The following UBR3 variants were observed in gnomAD, a reference collection of about 807,000 sequenced individuals.
UBR3 encodes the protein E3 ubiquitin-protein ligase UBR3.
A neutral mutation model predicts 243.2 loss-of-function variants in UBR3; 85 were observed. The ratio of observed to expected loss-of-function variants is 0.35; its 90% CI spans 0.29 to 0.42. UBR3 has a LOEUF of 0.42. UBR3 is among the 10% of genes least tolerant of loss of function. UBR3 has a pLI of 1.00. For missense variants in UBR3, 1,686 were observed against 2,300.8 expected (o/e 0.73, Z 5.47); for synonymous variants, 748 against 799.8 (o/e 0.94, Z 1.09).
rs777827777 is a variant in UBR3 at position 169,925,645 on chromosome 2, T to C, written c.2049T>C (p.Asn683=). 6.4e-6 allele frequency: 10 copies of C among 1,550,912 alleles called. No homozygotes were observed. The South Asian group carries it at 1.1e-4, about 17-fold the overall frequency. Reference sequence around the variant, plus strand: ...CAAGTCTTGCAGAAATCCACAGCAATATGTGGGTAAGAAATGGTCTGCAAA... The same window carrying C: ...CAAGTCTTGCAGAAATCCACAGCAACATGTGGGTAAGAAATGGTCTGCAAA... ...IQASLAEIHS[N]MWVRNGLQIK... is the part of the protein sequence containing the mutation. The change falls in exon 14 of 39, where the codon AAT becomes AAC. Residue 683 remains asparagine (N), a synonymous_variant. Transcript: ENST00000272793.
In UBR3 at chr2:170,007,013, C is replaced by G; in HGVS notation, c.4053C>G (p.Phe1351Leu). ...SLRNDQVLQG[F>L]SVDKGEFTCP... ...AGAATGACCAGGTTCTTCAGGGCTT[C>G]TCGGTGGACAAAGGAGAATTCACGT... The change falls in exon 28 of 39, where the codon TTC (phenylalanine) becomes TTG (leucine). Residue 1351 changes from phenylalanine to leucine, a missense_variant. Phe to Leu is a conservative substitution (Grantham distance 22). This residue lies in a region of UBR3 where 156 missense variants were observed against 246.3 expected (regional missense o/e 0.63). Transcript: ENST00000272793. The G allele has an allele frequency of 6.2e-7, 1 of 1,613,656 alleles. No homozygotes were observed. Among genetic ancestry groups the G allele is most frequent in the Non-Finnish European group, 8.5e-7 (1 of 1,179,982 alleles).
At position 169,907,974 on chromosome 2, in the gene UBR3, G is replaced by A. The variant is rs1400200842; in HGVS notation, c.1779+1810G>A. On this transcript the variant is annotated intron_variant, in intron 10 of 38. Transcript: ENST00000272793. ...TTTAGTAAAGACAAGGTTTCACCAT[G>A]TTGCACATACTTGTCTCAAACTCCT... 2.6e-5 allele frequency among the ~76,000 whole-genome samples: 4 copies of A among 152,054 alleles called. No homozygotes were observed. In the East Asian group the frequency reaches 7.7e-4, roughly 29 times the overall value.
chr2:170,027,677 A>G (rs2105421008), intron 30 of UBR3, among the ~76,000 whole-genome samples: 1 of 151,972 alleles, frequency 6.6e-6, no homozygotes, highest in South Asian at 2.1e-4. Context: ...AGCTTGAGAT[A>G]ATCTTAGTAT....
intron 23 of UBR3, among the ~76,000 whole-genome samples, chr2:169,952,355 G>T (rs989341189): frequency 2.7e-4 from 41 of 152,262 alleles, no homozygotes; most frequent in African/African-American, 8.7e-4. Flanking sequence ...CATCCTATTT[G>T]ATTTGTTAGT....
At position 169,927,350 on chromosome 2, in the gene UBR3, A is replaced by T. The variant is rs1415334020; in HGVS notation, c.2369A>T (p.Glu790Val). Residue 790 changes from glutamate to valine, a missense_variant, in exon 17 of 39, where the codon GAG becomes GTG. Glu to Val is a moderately radical substitution (Grantham distance 121). Coordinates refer to ENST00000272793, the MANE Select transcript of UBR3 (RefSeq NM_172070.4). ...TCTGATGATGAGATTCTCAGGGCCGAGATGGTAGCCCAGCTGTGTATGAAT... is the reference window on the plus strand; with the variant it reads ...TCTGATGATGAGATTCTCAGGGCCGTGATGGTAGCCCAGCTGTGTATGAAT... ...GMSDDEILRA[E>V]MVAQLCMNDR... 1 of 1,550,970 alleles carries T rather than the reference A, an allele frequency of 6.4e-7. No homozygotes were observed. Among genetic ancestry groups the T allele is most frequent in the African/African-American group, 1.4e-5 (1 of 73,044 alleles).
chr2:169,963,541 G>A (rs1024062766), intron 24 of UBR3, among the ~76,000 whole-genome samples: 1 of 151,354 alleles, frequency 6.6e-6, no homozygotes, highest in Non-Finnish European at 1.5e-5. Flanking sequence ...AAAGAATGCG[G>A]GACAAAAGCA....
chr2:169,881,457 G>A (rs1383999240), intron 5 of UBR3, among the ~76,000 whole-genome samples: 2 of 151,782 alleles, frequency 1.3e-5, no homozygotes. Context: ...GGGATTATAG[G>A]TATGAGCCAC....
At chr2:169,927,012 TC>T in intron 16 of UBR3, 41 bp downstream of exon 16, 1 of 1,529,938 alleles carries the variant, frequency 6.5e-7, no homozygotes, top group African/African-American at 1.4e-5. Flanking sequence ...TTAACTGTTT[TC>T]CTCCCTTTCT....
chr2:169,838,630 G>C (rs956685759), intron 1 of UBR3, among the ~76,000 whole-genome samples: 9 of 152,038 alleles, frequency 5.9e-5, no homozygotes, highest in Admixed American at 3.3e-4. Flanking sequence ...ATTTTGTAGG[G>C]GACACACGTT....
intron 5 of UBR3, among the ~76,000 whole-genome samples, chr2:169,890,748 A>G (rs745859462): frequency 2.0e-5 from 3 of 148,364 alleles, no homozygotes; most frequent in Non-Finnish European, 3.0e-5. Context: ...TGTTGAACTC[A>G]TTTTTTCTTA....
At chr2:169,932,287 A>G (rs1163460296) in intron 18 of UBR3, among the ~76,000 whole-genome samples, 1 of 152,134 alleles carries the variant, frequency 6.6e-6, no homozygotes, top group African/African-American at 2.4e-5. Flanking sequence ...CATGATGGCC[A>G]GGCTTGTCTC....
chr2:169,947,793 A>C, intron 22 of UBR3, 78 bp downstream of exon 22: 1 of 1,258,014 alleles, frequency 7.9e-7, no homozygotes, highest in Non-Finnish European at 1.0e-6. Context: ...TGTTCCTATA[A>C]TATCCAAAAG....
chr2:169,837,400 T>C (rs1415552738), intron 1 of UBR3, among the ~76,000 whole-genome samples: 1 of 152,178 alleles, frequency 6.6e-6, no homozygotes, highest in Non-Finnish European at 1.5e-5. Context: ...TGCTTGAACC[T>C]GGGAGGCAGA....
chr2:170,001,537 A>G (rs2089695907), intron 27 of UBR3, 123 bp downstream of exon 27: 2 of 618,590 alleles, frequency 3.2e-6, no homozygotes, highest in Non-Finnish European at 2.8e-6. Flanking sequence ...CGTATAAACT[A>G]TCCAGTCTCA....
chr2:170,033,996 A>G (rs2090754618), intron 31 of UBR3, among the ~76,000 whole-genome samples: 1 of 139,052 alleles, frequency 7.2e-6, no homozygotes, highest in African/African-American at 2.6e-5. Context: ...AGAAACAATT[A>G]TTTTTTAAAG....
At chr2:170,006,051 TATCTAGCATTCTTTGGA>T (rs1204742345) in intron 27 of UBR3, among the ~76,000 whole-genome samples, 1 of 151,904 alleles carries the variant, frequency 6.6e-6, no homozygotes, top group East Asian at 1.9e-4. Flanking sequence ...CAAAAAAGAG[TATCTAGCATTCTTTGGA>T]ATTAAGGCTG....
At chr2:169,859,516 C>A (rs914356088) in intron 1 of UBR3, among the ~76,000 whole-genome samples, 1 of 151,830 alleles carries the variant, frequency 6.6e-6, no homozygotes, top group Non-Finnish European at 1.5e-5. Context: ...TTTTGGGATT[C>A]CAGTATAATG....
At chr2:169,905,392 A>G in intron 9 of UBR3, 99 bp downstream of exon 9, 1 of 860,210 alleles carries the variant, frequency 1.2e-6, no homozygotes, top group Non-Finnish European at 1.6e-6. Context: ...CATTCACGCT[A>G]CACATGAAAT....
intron 24 of UBR3, among the ~76,000 whole-genome samples, chr2:169,984,363 T>C (rs1288111170): frequency 6.6e-6 from 1 of 152,128 alleles, no homozygotes; most frequent in Non-Finnish European, 1.5e-5. Flanking sequence ...AGCATCCAAA[T>C]TGAGAAATAA....
Sources: gnomAD v4.1 joint callset for allele counts (sites outside exome capture counted in the v4.1 genomes callset) on GRCh38, gnomAD v4.1.1 for gene constraint, gnomAD v4.1.1 regional missense constraint, MANE v1.5 for transcripts, NCBI Gene and HGNC (gene_info 2026-07-23, HGNC 2026-07-21) for gene names.